CDC42BPB: variants seen among roughly 807,000 people sequenced by gnomAD.
The protein encoded by CDC42BPB is serine/threonine-protein kinase MRCK beta.
CDC42BPB carries 37 observed loss-of-function variants against 214.9 expected under a neutral mutation model. The observed-to-expected ratio is 0.17, with a 90% CI of 0.13 to 0.23. The LOEUF is 0.23. CDC42BPB is among the 10% of genes least tolerant of loss of function. The probability of loss-of-function intolerance (pLI) is 1.00; values close to 1 mark genes in which losing one functional copy is unlikely to be tolerated. For synonymous variants in CDC42BPB, 931 were observed against 884.0 expected (o/e 1.05, Z -0.94); for missense variants, 1,694 against 2,227.0 (o/e 0.76, Z 4.82).
chr14:102,979,401 G>A (rs540312671), intron 8 of CDC42BPB, among the ~76,000 whole-genome samples: 6 of 152,072 alleles, frequency 3.9e-5, no homozygotes, highest in Admixed American at 2.0e-4. Flanking sequence ...TAGTAGAGAC[G>A]GGGTTTCACC....
At chr14:103,041,059 G>T (rs1426647473) in intron 1 of CDC42BPB, among the ~76,000 whole-genome samples, 1 of 152,158 alleles carries the variant, frequency 6.6e-6, no homozygotes, top group African/African-American at 2.4e-5. Flanking sequence ...AGACAGTGTG[G>T]TACTGGCATA....
At position 103,004,333 on chromosome 14, in the gene CDC42BPB, C is replaced by T. The variant is rs769295688; in HGVS notation, c.352-310G>A. On this transcript the variant is annotated intron_variant, in intron 3 of 36. Transcript: ENST00000361246. This position sits in a 1 kb window ranked among gnomAD's most constrained non-coding sequence, Gnocchi z 5.3. ...TGTGGATTCCTGACTGGGCTCCTCC[C>T]ACCTGGCACCTCCTGACTCCTCTAC... 2.7e-5 allele frequency: 9 copies of T among 337,004 alleles called. No homozygotes were observed. The highest frequency in any genetic ancestry group is 2.9e-5 in the Non-Finnish European group (6 of 205,788). The allele number at this position is 337,004 out of a possible 1,614,324, so 20.9% of individuals were successfully genotyped here.
chr14:102,948,762 G>C (rs1315139175), intron 26 of CDC42BPB, among the ~76,000 whole-genome samples: 1 of 151,290 alleles, frequency 6.6e-6, no homozygotes, highest in Non-Finnish European at 1.5e-5. Context: ...TGGAAATGCT[G>C]TTCTGAAGAG....
chr14:102,990,096 T>C (rs772954893), intron 5 of CDC42BPB, among the ~76,000 whole-genome samples: 14 of 152,238 alleles, frequency 9.2e-5, no homozygotes, highest in Non-Finnish European at 1.3e-4. Flanking sequence ...TCATGCAGTT[T>C]TGGAAGCACG....
At chr14:102,986,608 A>G (rs1439884271) in intron 5 of CDC42BPB, 28 bp from the exon 6 acceptor site, 2 of 1,608,162 alleles carry the variant, frequency 1.2e-6, no homozygotes, top group East Asian at 4.5e-5. Flanking sequence ...ACACAAATTA[A>G]CCATCTCCAT....
At chr14:102,995,181 T>C (rs923617566) in intron 5 of CDC42BPB, among the ~76,000 whole-genome samples, 15 of 148,888 alleles carry the variant, frequency 1.0e-4, no homozygotes, top group African/African-American at 1.5e-4. Flanking sequence ...CTCTCTCTCT[T>C]TTTTTTTTTT....
At chr14:103,016,803 T>C (rs965015055) in intron 1 of CDC42BPB, among the ~76,000 whole-genome samples, 3 of 138,360 alleles carry the variant, frequency 2.2e-5, no homozygotes, top group African/African-American at 8.5e-5. Context: ...ACATACAGAG[T>C]CCTAGCTCTG....
chr14:102,987,551 C>G (rs1044572584), intron 5 of CDC42BPB, among the ~76,000 whole-genome samples: 1 of 152,030 alleles, frequency 6.6e-6, no homozygotes, highest in Non-Finnish European at 1.5e-5. Context: ...TGATAGACAC[C>G]ACACCCCAAT....
At chr14:102,997,231 G>T (rs988503142) in intron 5 of CDC42BPB, among the ~76,000 whole-genome samples, 2 of 152,120 alleles carry the variant, frequency 1.3e-5, no homozygotes, top group Admixed American at 1.3e-4. Flanking sequence ...GCAGCCTCAA[G>T]GTGGAAGACA....
Position 102,933,565 on chromosome 14 carries a change from TATTATAATA to T in CDC42BPB, c.*138_*146del. The T allele has an allele frequency of 1.6e-6, 1 of 641,828 alleles. No homozygotes were observed. The highest frequency in any genetic ancestry group is 2.4e-6 in the Non-Finnish European group (1 of 416,244). 39.8% of individuals were successfully genotyped at this position (641,828 alleles called of 1,614,324 possible). A position where few individuals can be genotyped will look rare whatever the true frequency, so the allele number is the denominator to read the frequency against. ...AACAATGCGGCATAAAACTGATCAA[TATTATAATA>T]AAGATTTGTCTTCTTCATCTCCATA... is the stretch of plus-strand genomic sequence containing the variant. On this transcript the variant is annotated 3_prime_UTR_variant, in exon 37 of 37. Transcript: ENST00000361246.
chr14:102,976,562 A>G (rs571797426), intron 9 of CDC42BPB, among the ~76,000 whole-genome samples: 1 of 152,398 alleles, frequency 6.6e-6, no homozygotes, highest in African/African-American at 2.4e-5. Context: ...TGACGCACAC[A>G]GCCGAGGCAC....
intron 1 of CDC42BPB, among the ~76,000 whole-genome samples, chr14:103,019,311 T>G (rs972921057): frequency 6.6e-6 from 1 of 152,118 alleles, no homozygotes; most frequent in Non-Finnish European, 1.5e-5. Context: ...CAGCCAGCAC[T>G]CACAAGGCTC....
rs556378592 is a variant in CDC42BPB at position 102,943,720 on chromosome 14, G to C, written c.4408+171C>G. 8.2e-6 allele frequency: 5 copies of C among 608,828 alleles called. No homozygotes were observed. In the Admixed American group the frequency reaches 1.5e-4, roughly 19 times the overall value. 37.7% of individuals were successfully genotyped at this position (608,828 alleles called of 1,614,324 possible). ...CCCGCCTACTGCTGGTCTGAGACGT[G>C]AGATCTGAACCATGCTCTCTGCTGC... On this transcript the variant is annotated intron_variant, in intron 30 of 36. Transcript: ENST00000361246. This position sits in a 1 kb window ranked among gnomAD's most constrained non-coding sequence, Gnocchi z 4.6.
intron 1 of CDC42BPB, among the ~76,000 whole-genome samples, chr14:103,052,021 T>C (rs1450243606): frequency 2.0e-5 from 3 of 152,036 alleles, no homozygotes; most frequent in Non-Finnish European, 4.4e-5. Context: ...TTTGTATTTT[T>C]AGTACAGACG....
At chr14:103,015,743 G>C (rs1365969039) in intron 1 of CDC42BPB, among the ~76,000 whole-genome samples, 2 of 151,958 alleles carry the variant, frequency 1.3e-5, no homozygotes, top group Non-Finnish European at 2.9e-5. Context: ...ACAGAGTCTA[G>C]CTTTGTTGCC....
chr14:102,977,723 T>C (rs1893820150), intron 9 of CDC42BPB, among the ~76,000 whole-genome samples: 1 of 152,168 alleles, frequency 6.6e-6, no homozygotes, highest in East Asian at 1.9e-4. Flanking sequence ...GGCGGCCTAT[T>C]GGTCAGGGGT....
At chr14:102,987,788 A>AACACACAC (rs57579935) in intron 5 of CDC42BPB, among the ~76,000 whole-genome samples, 10,599 of 140,692 alleles carry the variant, frequency 0.075, 502 homozygotes, top group Admixed American at 0.13. Context: ...CAAACACACA[A>AACACACAC]ACACACACAC....
At chr14:103,022,555 T>C (rs976674775) in intron 1 of CDC42BPB, among the ~76,000 whole-genome samples, 6 of 152,076 alleles carry the variant, frequency 3.9e-5, no homozygotes, top group Admixed American at 6.5e-5. Flanking sequence ...AAGTGTTTTG[T>C]TTAAAAAACA....
intron 27 of CDC42BPB, 27 bp downstream of exon 27, chr14:102,947,694 T>C (rs757993830): frequency 6.4e-7 from 1 of 1,570,702 alleles, no homozygotes; most frequent in Non-Finnish European, 8.8e-7. Context: ...ATGTGCTTTG[T>C]TAAAAAGATT....
Sources: gnomAD v4.1 joint callset for allele counts (sites outside exome capture counted in the v4.1 genomes callset) on GRCh38, gnomAD v4.1.1 for gene constraint, Gnocchi (gnomAD v3.1) non-coding constraint, MANE v1.5 for transcripts, NCBI Gene and HGNC (gene_info 2026-07-23, HGNC 2026-07-21) for gene names.